CNST: variants seen among roughly 807,000 people sequenced by gnomAD.
The protein encoded by CNST is consortin.
Under a neutral mutation model 72.4 loss-of-function variants are expected in CNST, and 39 were observed. The observed-to-expected ratio is 0.54, with a 90% CI of 0.42 to 0.70. CNST has a LOEUF of 0.70. CNST is among the 30% of genes least tolerant of loss of function. The pLI is 0.00. For synonymous variants in CNST, 332 were observed against 320.1 expected (o/e 1.04, Z -0.40); for missense variants, 871 against 868.5 (o/e 1.00, Z -0.04).
At chr1:246,615,277 G>A (rs1035289769) in intron 2 of CNST, among the ~76,000 whole-genome samples, 1 of 152,102 alleles carries the variant, frequency 6.6e-6, no homozygotes, top group African/African-American at 2.4e-5. Flanking sequence ...CCGGGTTCAC[G>A]CCATTCTCCT....
intron 9 of CNST, among the ~76,000 whole-genome samples, chr1:246,652,729 GCACA>G (rs1487107880): frequency 9.2e-5 from 14 of 152,234 alleles, no homozygotes; most frequent in East Asian, 5.8e-4. Flanking sequence ...ATCTGGCCGG[GCACA>G]GTGGCTCACG....
At chr1:246,665,558 AG>A (rs1667353563) in intron 10 of CNST, 141 bp from the exon 11 acceptor site, 1 of 663,552 alleles carries the variant, frequency 1.5e-6, no homozygotes, top group African/African-American at 1.8e-5. Context: ...AGTCATTAGC[AG>A]CATGAGTTTT....
At chr1:246,662,871 G>A (rs761019595) in intron 10 of CNST, among the ~76,000 whole-genome samples, 5 of 152,134 alleles carry the variant, frequency 3.3e-5, no homozygotes, top group Non-Finnish European at 7.4e-5. Context: ...ACAGCCACCT[G>A]TGGCTCACAT....
At chr1:246,609,412 C>T (rs1663151819) in intron 2 of CNST, among the ~76,000 whole-genome samples, 1 of 152,128 alleles carries the variant, frequency 6.6e-6, no homozygotes, top group South Asian at 2.1e-4. Flanking sequence ...CCCGTCTCTA[C>T]TAAAACTACA....
chr1:246,590,848 T>C (rs1412178668), intron 1 of CNST, among the ~76,000 whole-genome samples: 1 of 144,830 alleles, frequency 6.9e-6, no homozygotes, highest in Non-Finnish European at 1.5e-5. Context: ...TAGCCTAGAG[T>C]TAACCATGGC....
intron 4 of CNST, 139 bp from the exon 5 acceptor site, chr1:246,633,785 G>T (rs1327473556): frequency 9.0e-6 from 5 of 555,216 alleles, no homozygotes; most frequent in East Asian, 3.0e-5. Context: ...CTTTAGATAT[G>T]TTTAAATTTA....
At chr1:246,634,668 G>A in intron 6 of CNST, 81 bp downstream of exon 6, 1 of 759,946 alleles carries the variant, frequency 1.3e-6, no homozygotes, top group Admixed American at 2.6e-5. Flanking sequence ...CCATTTCTTT[G>A]TTTTATGTTT....
chr1:246,634,499 C>T lies in CNST; in HGVS notation c.730C>T (p.His244Tyr). 1 of 1,598,904 alleles carries T rather than the reference C, an allele frequency of 6.3e-7. No individual in the cohort carries two copies. Among genetic ancestry groups the T allele is most frequent in the East Asian group, 2.2e-5 (1 of 44,614 alleles). ...WETKWKTVQP[H>Y]TVTALRNSEK... ...AACAAAATGGAAAACTGTGCAACCA[C>T]ATACAGTTACGGCTCTAAGGAATTC... Residue 244 changes from histidine (H) to tyrosine (Y), a missense_variant, in exon 6 of 11, where the codon CAT (histidine) becomes TAT (tyrosine). Coordinates refer to ENST00000366513, the MANE Select transcript of CNST (RefSeq NM_152609.3).
chr1:246,572,896 C>G (rs1364927762), intron 1 of CNST, among the ~76,000 whole-genome samples: 1 of 152,022 alleles, frequency 6.6e-6, no homozygotes, highest in East Asian at 1.9e-4. Flanking sequence ...GAAACAACAA[C>G]TAACATTTTA....
intron 1 of CNST, among the ~76,000 whole-genome samples, chr1:246,580,101 CG>C (rs1399734411): frequency 6.6e-6 from 1 of 152,090 alleles, no homozygotes; most frequent in East Asian, 1.9e-4. Context: ...TTACGAATGA[CG>C]GGGCTTATCT....
At chr1:246,593,203 T>C (rs1661661503) in intron 2 of CNST, among the ~76,000 whole-genome samples, 1 of 152,218 alleles carries the variant, frequency 6.6e-6, no homozygotes, top group African/African-American at 2.4e-5. Context: ...TTGAAAACTT[T>C]TTAATATAAT....
intron 3 of CNST, among the ~76,000 whole-genome samples, chr1:246,631,609 A>C (rs572656413): frequency 6.6e-6 from 1 of 152,258 alleles, no homozygotes; most frequent in Admixed American, 6.5e-5. Flanking sequence ...TAGAGTCCTA[A>C]ACTCTAATGA....
At chr1:246,602,218 T>C (rs1662332117) in intron 2 of CNST, among the ~76,000 whole-genome samples, 1 of 152,162 alleles carries the variant, frequency 6.6e-6, no homozygotes, top group African/African-American at 2.4e-5. Context: ...AATTGAAGAA[T>C]TGTGCATGGT....
At chr1:246,657,368 C>A (rs1379322491) in intron 9 of CNST, among the ~76,000 whole-genome samples, 1 of 152,020 alleles carries the variant, frequency 6.6e-6, no homozygotes, top group African/African-American at 2.4e-5. Context: ...GAGAAGATCA[C>A]TGAGCAAGAA....
chr1:246,661,439 TTAA>T (rs1667099837), intron 10 of CNST, among the ~76,000 whole-genome samples: 1 of 152,200 alleles, frequency 6.6e-6, no homozygotes, highest in Non-Finnish European at 1.5e-5. Context: ...CAGTGGACAA[TTAA>T]TACTCCTCCT....
At chr1:246,643,045 C>T (rs1050844546) in intron 8 of CNST, among the ~76,000 whole-genome samples, 3 of 150,400 alleles carry the variant, frequency 2.0e-5, no homozygotes, top group South Asian at 2.1e-4. Flanking sequence ...CACACCACGG[C>T]GCCCCAGTTA....
rs1666155425 is a variant in CNST at position 246,647,300 on chromosome 1, G to A, written c.1099G>A (p.Ala367Thr). The A allele has an allele frequency of 3.7e-6, 6 of 1,614,124 alleles. No individual in the cohort carries two copies. The highest frequency in any genetic ancestry group is 4.2e-6 in the Non-Finnish European group (5 of 1,180,034). The change falls in exon 9 of 11, where the codon GCT becomes ACT. Residue 367 changes from alanine to threonine, a missense_variant. By Grantham distance (58) the Ala-to-Thr change is moderately conservative. Coordinates refer to ENST00000366513, the MANE Select transcript of CNST (RefSeq NM_152609.3). ...CCACATGGAGGAGCTGCTCTGCAGCGCTGAAGCCACGTTAGCGCTCCACAC... is the reference window on the plus strand; with the variant it reads ...CCACATGGAGGAGCTGCTCTGCAGCACTGAAGCCACGTTAGCGCTCCACAC... Reference protein sequence around the residue: ...KDHMEELLCSAEATLALHTQS... With the variant: ...KDHMEELLCSTEATLALHTQS...
At chr1:246,605,659 G>A (rs1662691214) in intron 2 of CNST, among the ~76,000 whole-genome samples, 1 of 150,898 alleles carries the variant, frequency 6.6e-6, no homozygotes. Flanking sequence ...GGTGTCTTCC[G>A]GCCGGGGTGC....
chr1:246,621,667 C>A, intron 3 of CNST, 33 bp downstream of exon 3: 1 of 1,546,330 alleles, frequency 6.5e-7, no homozygotes, highest in East Asian at 2.2e-5. Context: ...TTCAGCCTCA[C>A]GAAAATTCCC....
Sources: gnomAD v4.1 joint callset for allele counts (sites outside exome capture counted in the v4.1 genomes callset) on GRCh38, gnomAD v4.1.1 for gene constraint, MANE v1.5 for transcripts, NCBI Gene and HGNC (gene_info 2026-07-23, HGNC 2026-07-21) for gene names.